The following CCDC138 variants were observed in gnomAD, a reference collection of about 807,000 sequenced individuals.
CCDC138 encodes the protein coiled-coil domain-containing protein 138.
In CCDC138, 66 loss-of-function variants were observed where a neutral mutation model predicts 82.3. The observed-to-expected ratio is 0.80, with a 90% CI of 0.66 to 0.98. The LOEUF is 0.98. Among genes scored for constraint, CCDC138 ranks in the 50% least tolerant of loss-of-function variants. The pLI, the probability that CCDC138 is intolerant of heterozygous loss-of-function variation, is 0.00. For missense variants in CCDC138, 816 were observed against 758.9 expected (o/e 1.08, Z -0.88); for synonymous variants, 297 against 265.4 (o/e 1.12, Z -1.16).
intron 13 of CCDC138, among the ~76,000 whole-genome samples, chr2:108,870,245 C>T (rs1574315003): frequency 6.6e-6 from 1 of 152,104 alleles, no homozygotes; most frequent in African/African-American, 2.4e-5. Context: ...AGTTCAACAG[C>T]AGACTTGAAC....
rs942653798 is a variant in CCDC138 at position 108,794,581 on chromosome 2, G to C, written c.436G>C (p.Glu146Gln). 1.2e-6 allele frequency: 2 copies of C among 1,613,598 alleles called. No homozygotes were observed. The highest frequency in any genetic ancestry group is 2.7e-5 in the African/African-American group (2 of 74,910). Reference sequence around the variant, plus strand: ...TACGACCTCATCGAGACCTCGGACTGAGTGTTGTAGTGATGCAGGTGACTC... The same window carrying C: ...TACGACCTCATCGAGACCTCGGACTCAGTGTTGTAGTGATGCAGGTGACTC... ...TNTTSSRPRT[E>Q]CCSDAGDSPL... is the part of the protein sequence containing the mutation. The change falls in exon 5 of 15, where the codon GAG (glutamate) becomes CAG (glutamine). Residue 146 changes from glutamate (E) to glutamine (Q), a missense_variant. Coordinates refer to ENST00000295124, the MANE Select transcript of CCDC138 (RefSeq NM_144978.3).
At position 108,830,577 on chromosome 2, in the gene CCDC138, C is replaced by T. The variant is rs543460668; in HGVS notation, c.1207-8608C>T. 8.0e-5 allele frequency among the ~76,000 whole-genome samples: 12 copies of T among 150,792 alleles called. No individual in the cohort carries two copies. The East Asian group carries it at 1.4e-3, about 17-fold the overall frequency. On this transcript the variant is annotated intron_variant, in intron 10 of 14. Transcript: ENST00000295124. ...ATCCCAGCACTTTGGGAGGCCGAGG[C>T]GGGCAGATCACCTGATGTCAGGAGT...
chr2:108,856,923 T>G lies in CCDC138; in HGVS notation c.1646T>G (p.Leu549Arg), dbSNP rs138103263. 241 of 1,613,054 alleles carry G rather than the reference T, an allele frequency of 1.5e-4. No homozygotes were observed. The highest frequency in any genetic ancestry group is 2.0e-4 in the Non-Finnish European group (236 of 1,179,558). ...LSHLRISSKGLLSNVIDSLLQ... is the reference protein window; with the variant it reads ...LSHLRISSKGRLSNVIDSLLQ... ...CATCTAAGAATATCCAGTAAAGGAC[T>G]CCTGTCTAATGTTATTGATAGTTTG... The change falls in exon 13 of 15, where the codon CTC (leucine) becomes CGC (arginine). Residue 549 changes from leucine to arginine, a missense_variant. By Grantham distance (102) the Leu-to-Arg change is moderately radical. Coordinates refer to ENST00000295124, the MANE Select transcript of CCDC138 (RefSeq NM_144978.3).
intron 1 of CCDC138, 68 bp downstream of exon 1, chr2:108,786,983 C>G (rs1484940712): frequency 1.8e-6 from 2 of 1,121,628 alleles, no homozygotes; most frequent in Non-Finnish European, 2.4e-6. Context: ...CCGTGCCCCG[C>G]GCAGCCGGCC....
At chr2:108,788,673 T>C (rs909900452) in intron 2 of CCDC138, 179 bp from the exon 3 acceptor site, 1 of 371,136 alleles carries the variant, frequency 2.7e-6, no homozygotes, top group African/African-American at 2.2e-5. Context: ...TGAGCCGAGA[T>C]TGCGCCACTG....
intron 10 of CCDC138, among the ~76,000 whole-genome samples, chr2:108,823,831 G>A (rs1322352052): frequency 6.6e-6 from 1 of 152,154 alleles, no homozygotes. Context: ...ACAGAAATTA[G>A]TTGGGCGTGG....
chr2:108,819,915 T>C (rs942065864), intron 10 of CCDC138, among the ~76,000 whole-genome samples: 2 of 151,998 alleles, frequency 1.3e-5, no homozygotes, highest in African/African-American at 4.8e-5. Context: ...AATTTAAAAA[T>C]GGAAAGAGAA....
At chr2:108,788,993 G>A (rs750857840) in intron 3 of CCDC138, 27 bp downstream of exon 3, 2 of 1,612,072 alleles carry the variant, frequency 1.2e-6, no homozygotes, top group East Asian at 4.5e-5. Context: ...CTTTACTGTT[G>A]CTACCCCCTC....
chr2:108,851,335 C>T (rs1056117320), intron 12 of CCDC138, among the ~76,000 whole-genome samples: 2 of 151,992 alleles, frequency 1.3e-5, no homozygotes, highest in African/African-American at 2.4e-5. Flanking sequence ...GAGTTTTGCT[C>T]TTGTTGCCCA....
chr2:108,852,860 T>C (rs1691744945), intron 12 of CCDC138, among the ~76,000 whole-genome samples: 1 of 152,120 alleles, frequency 6.6e-6, no homozygotes, highest in South Asian at 2.1e-4. Flanking sequence ...AGTGTACCTG[T>C]GTAACAAACC....
Position 108,791,752 on chromosome 2 carries a change from G to A in CCDC138, c.344G>A (p.Arg115Lys), listed in dbSNP as rs6740879. The change falls in exon 4 of 15, where the codon AGA becomes AAA. Residue 115 changes from arginine to lysine, a missense_variant. Transcript: ENST00000295124. ...TEEELIENDY[R>K]VSTSKITKQS... ...GAAGAGTTAATTGAAAATGATTATAGAGTTAGTACCTCGAAAATAACCAAG... is the reference window on the plus strand; with the variant it reads ...GAAGAGTTAATTGAAAATGATTATAAAGTTAGTACCTCGAAAATAACCAAG... 378,497 of 1,596,458 alleles carry A rather than the reference G, an allele frequency of 0.24. 47,073 individuals are homozygous for A. Among genetic ancestry groups the A allele is most frequent in the African/African-American group, 0.35 (26,061 of 74,408 alleles).
chr2:108,826,473 G>A (rs190674014), intron 10 of CCDC138, among the ~76,000 whole-genome samples: 1 of 151,980 alleles, frequency 6.6e-6, no homozygotes, highest in East Asian at 1.9e-4. Context: ...TTTACCTGTA[G>A]ATACCCATTT....
intron 5 of CCDC138, among the ~76,000 whole-genome samples, chr2:108,795,071 T>G (rs1680632686): frequency 6.6e-6 from 1 of 152,082 alleles, no homozygotes; most frequent in African/African-American, 2.4e-5. Context: ...ATAAAAAGTC[T>G]TCTTGTCAAC....
intron 10 of CCDC138, among the ~76,000 whole-genome samples, chr2:108,835,863 G>T (rs867088698): frequency 2.0e-5 from 3 of 152,306 alleles, no homozygotes; most frequent in South Asian, 4.1e-4. Context: ...CCTGGCAGCT[G>T]GATGTCCAAG....
In CCDC138 at chr2:108,800,421, T is replaced by C. The variant is rs534840673; in HGVS notation, c.735+1835T>C. 1.9e-3 allele frequency among the ~76,000 whole-genome samples: 283 copies of C among 151,974 alleles called. 3 individuals are homozygous for C. The highest frequency in any genetic ancestry group is 6.6e-3 in the African/African-American group (274 of 41,468). ...CTGGGAATACAGGCGCCCACCACCA[T>C]GCCCGGCTAATTTTTGTATTTTTAG... On this transcript the variant is annotated intron_variant, in intron 6 of 14. Transcript: ENST00000295124.
intron 12 of CCDC138, among the ~76,000 whole-genome samples, chr2:108,854,398 T>G (rs1001344238): frequency 1.3e-5 from 2 of 152,080 alleles, no homozygotes; most frequent in South Asian, 2.1e-4. Context: ...TCTTTTTTGT[T>G]TGTTTGTTTT....
At chr2:108,797,179 A>T (rs1296500752) in intron 5 of CCDC138, among the ~76,000 whole-genome samples, 1 of 152,182 alleles carries the variant, frequency 6.6e-6, no homozygotes, top group East Asian at 1.9e-4. Context: ...AGGAATGAGA[A>T]GGAAAATTGC....
At chr2:108,858,955 A>G (rs1260395360) in intron 13 of CCDC138, among the ~76,000 whole-genome samples, 1 of 152,106 alleles carries the variant, frequency 6.6e-6, no homozygotes, top group Non-Finnish European at 1.5e-5. Flanking sequence ...CATCTTTGCT[A>G]TTTTGAATAC....
At chr2:108,807,291 T>G (rs1326918563) in intron 7 of CCDC138, among the ~76,000 whole-genome samples, 1 of 152,156 alleles carries the variant, frequency 6.6e-6, no homozygotes, top group Non-Finnish European at 1.5e-5. Context: ...GCCTATATAA[T>G]AAGTCTATGG....
Sources: allele counts gnomAD v4.1 joint callset (sites outside exome capture counted in the v4.1 genomes callset), GRCh38; gene constraint gnomAD v4.1.1; transcripts MANE v1.5; gene names NCBI Gene and HGNC (gene_info 2026-07-23, HGNC 2026-07-21).